The following ERC1 variants were observed in gnomAD, a reference collection of about 807,000 sequenced individuals.
The protein encoded by ERC1 is RAB6 interacting protein 2.
Under a neutral mutation model 132.0 loss-of-function variants are expected in ERC1, and 56 were observed. That is an observed-to-expected ratio of 0.42 (90% CI 0.34 to 0.53). The LOEUF is 0.53. Ranked by LOEUF, ERC1 falls within the 20% of genes least tolerant of loss-of-function variation. The probability of loss-of-function intolerance (pLI) is 0.03; values close to 1 mark genes in which losing one functional copy is unlikely to be tolerated. For missense variants in ERC1, 1,202 were observed against 1,349.9 expected, an observed-to-expected ratio of 0.89 and a Z score of 1.72; for synonymous variants, 478 against 476.1, an observed-to-expected ratio of 1.00 and a Z score of -0.05.
intron 2 of ERC1, among the ~76,000 whole-genome samples, chr12:1,062,081 C>T (rs952989202): frequency 6.7e-6 from 1 of 148,522 alleles, no homozygotes; most frequent in Non-Finnish European, 1.5e-5. Flanking sequence ...AGCTCTGCCT[C>T]CCGGGTTCAC....
At chr12:1,315,052 G>A (rs909285440) in intron 15 of ERC1, among the ~76,000 whole-genome samples, 2 of 151,978 alleles carry the variant, frequency 1.3e-5, no homozygotes, top group African/African-American at 4.8e-5. Context: ...TTATTTATTT[G>A]TTTATTTATT....
chr12:1,391,277 C>A (rs2089937108), intron 16 of ERC1: 1 of 152,178 alleles, frequency 6.6e-6, no homozygotes, highest in East Asian at 1.9e-4. Context: ...GGTAGAAGTC[C>A]AGTTTCTCCC....
intron 2 of ERC1, among the ~76,000 whole-genome samples, chr12:1,043,597 G>A (rs1000037783): frequency 2.0e-5 from 3 of 152,100 alleles, no homozygotes; most frequent in Non-Finnish European, 4.4e-5. Context: ...GGACAGGTCT[G>A]CATACTGAAA....
chr12:1,364,130 G>A (rs2086432150), intron 15 of ERC1, among the ~76,000 whole-genome samples: 1 of 152,216 alleles, frequency 6.6e-6, no homozygotes, highest in Non-Finnish European at 1.5e-5. Context: ...GACTAGCATA[G>A]CAGTCTTTCA....
intron 18 of ERC1, among the ~76,000 whole-genome samples, chr12:1,469,562 A>G (rs1165439944): frequency 2.0e-5 from 3 of 152,228 alleles, no homozygotes; most frequent in South Asian, 4.1e-4. Context: ...AACTGTGTGA[A>G]GCCATGTGGG....
intron 16 of ERC1, among the ~76,000 whole-genome samples, chr12:1,400,918 T>TATTATTA (rs760878099): frequency 0.019 from 522 of 27,562 alleles, 22 homozygotes; most frequent in African/African-American, 0.091. Context: ...ATTTTTGTAT[T>TATTATTA]TTTTTTTTTT....
At position 1,276,297 on chromosome 12, in the gene ERC1, C is replaced by T. The variant is rs1030505846; in HGVS notation, c.2619+13132C>T. Among the ~76,000 whole-genome samples, 7 of 150,282 alleles carry T rather than the reference C, an allele frequency of 4.7e-5. 1 individual carries two copies. Among genetic ancestry groups the T allele is most frequent in the Admixed American group, 2.0e-4 (3 of 15,094 alleles). ...TGTTGCCCAGGCTGGAGTGCAGTGGCGTGATCTCGGCTCACTGCAACCTCC... is the reference window on the plus strand; with the variant it reads ...TGTTGCCCAGGCTGGAGTGCAGTGGTGTGATCTCGGCTCACTGCAACCTCC... On this transcript the variant is annotated intron_variant, in intron 14 of 18. Transcript: ENST00000360905.
chr12:1,206,525 G>T (rs896291116), intron 12 of ERC1, among the ~76,000 whole-genome samples: 3 of 151,992 alleles, frequency 2.0e-5, no homozygotes. Flanking sequence ...TTTGCATTCA[G>T]TACAGAGTAG....
chr12:1,440,259 C>T (rs1461053644), intron 17 of ERC1, among the ~76,000 whole-genome samples: 1 of 135,146 alleles, frequency 7.4e-6, no homozygotes, highest in Non-Finnish European at 1.5e-5. Flanking sequence ...GGCTGGAGTG[C>T]AGTGGTGCCA....
At chr12:1,098,978 A>G (rs1255577631) in intron 3 of ERC1, among the ~76,000 whole-genome samples, 2 of 152,182 alleles carry the variant, frequency 1.3e-5, no homozygotes, top group Admixed American at 1.3e-4. Flanking sequence ...GTGATGTCCT[A>G]ATAGTCAAGA....
chr12:1,274,823 T>A (rs1279544958), intron 14 of ERC1, among the ~76,000 whole-genome samples: 5 of 152,100 alleles, frequency 3.3e-5, no homozygotes, highest in Non-Finnish European at 7.4e-5. Flanking sequence ...GATACTTAAA[T>A]TGAGAAATGA....
chr12:1,461,265 A>T (rs537182050), intron 18 of ERC1, among the ~76,000 whole-genome samples: 3 of 152,196 alleles, frequency 2.0e-5, no homozygotes, highest in Non-Finnish European at 4.4e-5. Context: ...AATATGAGAC[A>T]TGTATAACCT....
At chr12:1,315,711 TAGAGAGAGAGAAAGCC>T (rs1293617968) in intron 15 of ERC1, among the ~76,000 whole-genome samples, 1 of 151,524 alleles carries the variant, frequency 6.6e-6, no homozygotes, top group Non-Finnish European at 1.5e-5. Context: ...AATGGCACAT[TAGAGAGAGAGAAAGCC>T]AGAGAGAGAG....
Position 1,495,349 on chromosome 12 carries a change from C to T in ERC1, c.*5119C>T, listed in dbSNP as rs2154435816. 1 of 228,784 alleles carries T rather than the reference C, an allele frequency of 4.4e-6. No homozygotes were observed. Among genetic ancestry groups the T allele is most frequent in the Non-Finnish European group, 8.7e-6 (1 of 115,274 alleles). The allele number at this position is 228,784 out of a possible 1,614,324, so 14.2% of individuals were successfully genotyped here. On this transcript the variant is annotated 3_prime_UTR_variant, in exon 19 of 19. Coordinates refer to ENST00000360905, the MANE Select transcript of ERC1 (RefSeq NM_178040.4). Reference sequence around the variant, plus strand: ...ATTTCCCTTTGAGCTTTTTTAGACCCTAGATCTCCTAGGCCCAGGCTCTCT... The same window carrying T: ...ATTTCCCTTTGAGCTTTTTTAGACCTTAGATCTCCTAGGCCCAGGCTCTCT...
intron 14 of ERC1, among the ~76,000 whole-genome samples, chr12:1,280,996 T>A (rs1487047293): frequency 6.6e-6 from 1 of 152,264 alleles, no homozygotes; most frequent in Non-Finnish European, 1.5e-5. Context: ...ACTTTATTTA[T>A]TTCTAGGTGG....
chr12:1,151,315 G>T (rs1232195104), intron 8 of ERC1, among the ~76,000 whole-genome samples: 1 of 152,216 alleles, frequency 6.6e-6, no homozygotes, highest in African/African-American at 2.4e-5. Flanking sequence ...TATTGGGGAA[G>T]AGGGAAGGCT....
intron 17 of ERC1, among the ~76,000 whole-genome samples, chr12:1,415,542 T>G (rs1317758501): frequency 6.6e-6 from 1 of 152,228 alleles, no homozygotes; most frequent in Non-Finnish European, 1.5e-5. Flanking sequence ...AGTGTACTTA[T>G]CAGTTGGAAA....
intron 13 of ERC1, among the ~76,000 whole-genome samples, chr12:1,248,898 T>G (rs1013102676): frequency 5.3e-5 from 8 of 152,118 alleles, no homozygotes; most frequent in African/African-American, 1.9e-4. Context: ...AAAAAAAAAT[T>G]TTTGGAGACA....
At chr12:1,359,388 A>G (rs1348971566) in intron 15 of ERC1, among the ~76,000 whole-genome samples, 1 of 152,208 alleles carries the variant, frequency 6.6e-6, no homozygotes, top group East Asian at 1.9e-4. Context: ...TTATTGCTGT[A>G]ATAATAAAGT....
Sources: allele counts gnomAD v4.1 joint callset (sites outside exome capture counted in the v4.1 genomes callset), GRCh38; gene constraint gnomAD v4.1.1; transcripts MANE v1.5; gene names NCBI Gene and HGNC (gene_info 2026-07-23, HGNC 2026-07-21).